Variants in HNRNPA2B1 observed in about 807,000 individuals in gnomAD.
HNRNPA2B1 encodes heterogeneous nuclear ribonucleoproteins A2/B1.
In HNRNPA2B1, 3 loss-of-function variants were observed where a neutral mutation model predicts 46.3. The ratio of observed to expected loss-of-function variants is 0.06; its 90% CI spans 0.03 to 0.17. The LOEUF is 0.17. HNRNPA2B1 is among the 10% of genes least tolerant of loss of function. The pLI is 1.00. For synonymous variants in HNRNPA2B1, 225 were observed against 133.8 expected (o/e 1.68, Z -4.70); for missense variants, 221 against 418.9 (o/e 0.53, Z 4.12).
chr7:26,193,139 A>T, intron 9 of HNRNPA2B1, 112 bp downstream of exon 9: 1 of 1,031,914 alleles, frequency 9.7e-7, no homozygotes, highest in Middle Eastern at 2.1e-4. Context: ...AAGACCGTAC[A>T]TGGAGCACTG....
chr7:26,198,017 A>T (rs1030446063), intron 1 of HNRNPA2B1: 2 of 446,140 alleles, frequency 4.5e-6, no homozygotes, highest in African/African-American at 4.1e-5. Flanking sequence ...AAATTATCTT[A>T]AATTATTAAT....
intron 7 of HNRNPA2B1, 74 bp downstream of exon 7, chr7:26,195,773 T>TC (rs1483024020): frequency 2.0e-6 from 3 of 1,504,392 alleles, no homozygotes; most frequent in Non-Finnish European, 2.7e-6. Context: ...AAACTCAAAA[T>TC]ATAAATGAAG....
Position 26,192,574 on chromosome 7 carries a change from T to C in HNRNPA2B1, c.968A>G (p.Asn323Ser). The stretch of plus-strand genomic sequence containing the variant: ...TCCTCCACTGCCTCCTGGACCATAG[T>C]TTCCTATAATTGTTGGAACAGCAAG... ...RNMGGPYGGG[N>S]YGPGGSGGSG... Residue 323 changes from asparagine (N) to serine (S), a missense_variant, in exon 10 of 11, where the codon AAC becomes AGC. Physicochemically the swap from Asn to Ser is conservative, Grantham distance 46. Around this residue, in one of 2 missense-constraint regions of HNRNPA2B1, gnomAD observed 143 missense variants for 200.5 expected, o/e 0.71. Coordinates refer to ENST00000618183, the MANE Select transcript of HNRNPA2B1 (RefSeq NM_002137.4). 6.2e-7 allele frequency: 1 copy of C among 1,613,866 alleles called. No homozygotes were observed. Among genetic ancestry groups the C allele is most frequent in the Non-Finnish European group, 8.5e-7 (1 of 1,179,740 alleles).
At position 26,200,668 on chromosome 7, in the gene HNRNPA2B1, G is replaced by A. The variant is rs1291426155; in HGVS notation, c.-91C>T. On this transcript the variant is annotated 5_prime_UTR_variant, in exon 1 of 11. Transcript: ENST00000618183. Reference sequence around the variant, plus strand: ...GAACACGAACCGGACTCGTCCTGGCGCTGTAGTGAGAACTGCCGCTGCTCG... The same window carrying A: ...GAACACGAACCGGACTCGTCCTGGCACTGTAGTGAGAACTGCCGCTGCTCG... The A allele has an allele frequency of 7.4e-5, 113 of 1,523,966 alleles. No individual in the cohort carries two copies. Among genetic ancestry groups the A allele is most frequent in the South Asian group, 2.1e-4 (19 of 89,280 alleles). The allele number at this position is 1,523,966 out of a possible 1,614,324, so 94.4% of individuals were successfully genotyped here.
rs764653240 is a variant in HNRNPA2B1 at position 26,196,759 on chromosome 7, A to T, written c.475+48T>A. On this transcript the variant is annotated intron_variant, in intron 4 of 10. Transcript: ENST00000618183. ...AAGTTACAGATGTTAACATACACAA[A>T]ATTGAATACACTGGAAAAAAACAGT... The T allele has an allele frequency of 3.8e-6, 6 of 1,578,786 alleles. No individual in the cohort carries two copies. The South Asian group carries it at 5.6e-5, about 15-fold the overall frequency.
intron 6 of HNRNPA2B1, 125 bp from the exon 7 acceptor site, chr7:26,196,034 G>A (rs1783573620): frequency 7.7e-7 from 1 of 1,302,152 alleles, no homozygotes; most frequent in East Asian, 2.7e-5. Flanking sequence ...ACACACCAGT[G>A]CTACCAGTTT....
At chr7:26,195,697 A>C in intron 7 of HNRNPA2B1, 150 bp downstream of exon 7, 1 of 797,340 alleles carries the variant, frequency 1.3e-6, no homozygotes, top group Non-Finnish European at 1.9e-6. Context: ...AGATGGCAAA[A>C]CTACTTAGAA....
chr7:26,196,513 C>T (rs756856297), intron 5 of HNRNPA2B1, 32 bp from the exon 6 acceptor site: 1 of 1,613,092 alleles, frequency 6.2e-7, no homozygotes, highest in Non-Finnish European at 8.5e-7. Flanking sequence ...GAAGCAAGCC[C>T]TTATATATGA....
At position 26,191,751 on chromosome 7, in the gene HNRNPA2B1, T is replaced by C. The variant is rs1229439496; in HGVS notation, c.*609A>G. The C allele has an allele frequency of 6.6e-6, 1 of 152,458 alleles. No individual in the cohort carries two copies. Among genetic ancestry groups the C allele is most frequent in the Non-Finnish European group, 1.5e-5 (1 of 68,044 alleles). 9.4% of individuals were successfully genotyped at this position (152,458 alleles called of 1,614,324 possible). A position where few individuals can be genotyped will look rare whatever the true frequency, so the allele number is the denominator to read the frequency against. ...CACACTTACATCTGACCAGCATTTA[T>C]CTTATACAAATATAACAACAGCTTT... is the stretch of plus-strand genomic sequence containing the variant. On this transcript the variant is annotated 3_prime_UTR_variant, in exon 11 of 11. Coordinates refer to ENST00000618183, the MANE Select transcript of HNRNPA2B1 (RefSeq NM_002137.4).
chr7:26,194,819 G>C (rs1362482884), intron 7 of HNRNPA2B1, among the ~76,000 whole-genome samples: 1 of 151,596 alleles, frequency 6.6e-6, no homozygotes, highest in Non-Finnish European at 1.5e-5. Flanking sequence ...AAAAGGCTGG[G>C]CATGGTTGCT....
chr7:26,196,489 A>G lies in HNRNPA2B1; in HGVS notation c.578-8T>C, dbSNP rs773300330. The G allele has an allele frequency of 1.2e-6, 2 of 1,614,122 alleles. No individual in the cohort carries two copies. Among genetic ancestry groups the G allele is most frequent in the Non-Finnish European group, 1.7e-6 (2 of 1,179,964 alleles). ...CCCCAAAGCCAAAGTTGCCTACAAT[A>G]AATGCCCCAGTTAGAAGCAAGCCCT... On this transcript the variant is annotated splice_region_variant and splice_polypyrimidine_tract_variant and intron_variant, in intron 5 of 10. Coordinates refer to ENST00000618183, the MANE Select transcript of HNRNPA2B1 (RefSeq NM_002137.4).
chr7:26,193,789 T>G, intron 7 of HNRNPA2B1, 95 bp from the exon 8 acceptor site: 1 of 1,060,062 alleles, frequency 9.4e-7, no homozygotes, highest in Non-Finnish European at 1.4e-6. Flanking sequence ...CAAGTTTCCA[T>G]GTGAAATATT....
intron 6 of HNRNPA2B1, among the ~76,000 whole-genome samples, chr7:26,196,148 C>T (rs1366744585): frequency 6.6e-6 from 1 of 152,154 alleles, no homozygotes; most frequent in Non-Finnish European, 1.5e-5. Flanking sequence ...GTAAGAATGA[C>T]ACTTGATGGG....
chr7:26,197,527 G>C (rs879041943), intron 2 of HNRNPA2B1, 66 bp from the exon 3 acceptor site: 7 of 1,581,244 alleles, frequency 4.4e-6, no homozygotes, highest in East Asian at 2.2e-5. Context: ...AGTCATAATA[G>C]AATTTTTTAC....
rs1267721595 is a variant in HNRNPA2B1, at chr7:26,190,567, T to G, written c.*1793A>C. On this transcript the variant is annotated 3_prime_UTR_variant, in exon 11 of 11. Transcript: ENST00000618183. Reference sequence around the variant, plus strand: ...GGATCAAAGAAGACTCATTGGTGTATAGAGTAAGCCCTGAGTATCACATTC... The same window carrying G: ...GGATCAAAGAAGACTCATTGGTGTAGAGAGTAAGCCCTGAGTATCACATTC... The G allele has an allele frequency of 6.6e-6, 1 of 152,210 alleles. No homozygotes were observed. The highest frequency in any genetic ancestry group is 2.4e-5 in the African/African-American group (1 of 41,444). 9.4% of individuals were successfully genotyped at this position (152,210 alleles called of 1,614,324 possible).
intron 3 of HNRNPA2B1, 130 bp from the exon 4 acceptor site, chr7:26,197,147 G>T: frequency 2.7e-6 from 3 of 1,106,388 alleles, no homozygotes; most frequent in East Asian, 4.7e-5. Flanking sequence ...AGCTTTTAGG[G>T]ACCTAGCTTT....
chr7:26,196,716 A>C (rs928829379), intron 4 of HNRNPA2B1, 58 bp from the exon 5 acceptor site: 2 of 1,570,834 alleles, frequency 1.3e-6, no homozygotes, highest in Non-Finnish European at 1.7e-6. Context: ...AGCAGCTTCA[A>C]AAGTTTACCT....
rs1157239171 is a variant in HNRNPA2B1, at chr7:26,200,684, C to T, written c.-107G>A. The T allele has an allele frequency of 4.4e-5, 62 of 1,409,638 alleles. No individual in the cohort carries two copies. Among genetic ancestry groups the T allele is most frequent in the Non-Finnish European group, 6.0e-5 (60 of 1,000,024 alleles). The allele number at this position is 1,409,638 out of a possible 1,614,324, so 87.3% of individuals were successfully genotyped here. A position where few individuals can be genotyped will look rare whatever the true frequency, so the allele number is the denominator to read the frequency against. On this transcript the variant is annotated 5_prime_UTR_variant, in exon 1 of 11. Transcript: ENST00000618183. ...CGTCCTGGCGCTGTAGTGAGAACTG[C>T]CGCTGCTCGAGAAACAACTCTGCGA...
In HNRNPA2B1 at chr7:26,197,336, T is replaced by C. The variant is rs143134057; in HGVS notation, c.243A>G (p.Pro81=). The part of the protein sequence containing the change: ...PHSIDGRVVE[P]KRAVAREESG... ...TTACCTCTCTTGCTACAGCACGTTT[T>C]GGCTCAACTACTCTCCCATCAATTG... Residue 81 remains proline, a synonymous_variant, in exon 3 of 11, where the codon CCA becomes CCG. Transcript: ENST00000618183. The C allele has an allele frequency of 1.0e-4, 162 of 1,613,116 alleles. No homozygotes were observed. The African/African-American group carries it at 1.6e-3, about 16-fold the overall frequency.
Sources: allele counts gnomAD v4.1 joint callset (sites outside exome capture counted in the v4.1 genomes callset), GRCh38; gene constraint gnomAD v4.1.1; regional missense constraint gnomAD v4.1.1; transcripts MANE v1.5; gene names NCBI Gene and HGNC (gene_info 2026-07-23, HGNC 2026-07-21).